STAM: variants seen among roughly 807,000 people sequenced by gnomAD.
STAM encodes signal transducing adaptor molecule, also known as signal transducing adapter molecule 1.
A neutral mutation model predicts 63.4 loss-of-function variants in STAM; 16 were observed. That is an observed-to-expected ratio of 0.25 (90% CI 0.17 to 0.38). The LOEUF is 0.38. Ranked by LOEUF, STAM falls within the 10% of genes least tolerant of loss-of-function variation. STAM has a pLI of 1.00. For synonymous variants in STAM, 238 were observed against 223.9 expected, an observed-to-expected ratio of 1.06 and a Z score of -0.56; for missense variants, 636 against 657.1, an observed-to-expected ratio of 0.97 and a Z score of 0.35.
intron 1 of STAM, among the ~76,000 whole-genome samples, chr10:17,653,540 C>T (rs1833822381): frequency 6.6e-6 from 1 of 152,168 alleles, no homozygotes; most frequent in Non-Finnish European, 1.5e-5. Context: ...TAGCTCCATA[C>T]AGGTGGTTGT....
At chr10:17,648,666 C>T (rs782641729) in intron 1 of STAM, among the ~76,000 whole-genome samples, 1 of 152,234 alleles carries the variant, frequency 6.6e-6, no homozygotes, top group Non-Finnish European at 1.5e-5. Flanking sequence ...TACCTTACTT[C>T]AGTCATTGTT....
chr10:17,689,765 G>A (rs1282741814), intron 5 of STAM, among the ~76,000 whole-genome samples: 2 of 152,152 alleles, frequency 1.3e-5, no homozygotes, highest in African/African-American at 4.8e-5. Context: ...TCAAAACTTG[G>A]TTTGACCAGC....
intron 4 of STAM, 116 bp from the exon 5 acceptor site, chr10:17,687,911 C>G (rs566959007): frequency 1.3e-6 from 1 of 783,270 alleles, no homozygotes; most frequent in South Asian, 3.2e-5. Flanking sequence ...TTGTCTATAG[C>G]TATGCATAAC....
Position 17,714,645 on chromosome 10 carries a change from T to G in STAM, c.1488T>G (p.Thr496=). The G allele has an allele frequency of 6.2e-7, 1 of 1,614,180 alleles. No individual in the cohort carries two copies. Among genetic ancestry groups the G allele is most frequent in the Non-Finnish European group, 8.5e-7 (1 of 1,180,026 alleles). ...CTGCTGCTGCAACTGCCGATGTCACTCTGTACCAGAATGCAGGACCTAATA... is the reference window on the plus strand; with the variant it reads ...CTGCTGCTGCAACTGCCGATGTCACGCTGTACCAGAATGCAGGACCTAATA... ...ATAAAATADV[T]LYQNAGPNMP... is the part of the protein sequence containing the mutation. The change falls in exon 14 of 14, where the codon ACT becomes ACG. Residue 496 remains threonine, a synonymous_variant. Transcript: ENST00000377524.
At chr10:17,704,187 G>T (rs781883583) in intron 9 of STAM, among the ~76,000 whole-genome samples, 12 of 152,050 alleles carry the variant, frequency 7.9e-5, no homozygotes, top group Non-Finnish European at 1.3e-4. Flanking sequence ...TGACCTCCTG[G>T]GCTCAAGTGA....
intron 13 of STAM, among the ~76,000 whole-genome samples, chr10:17,712,172 T>A (rs1471484203): frequency 6.6e-6 from 1 of 152,222 alleles, no homozygotes; most frequent in East Asian, 1.9e-4. Context: ...CTGTATGCTT[T>A]ACACAAAGTA....
chr10:17,707,185 G>A (rs1278609472), intron 12 of STAM, among the ~76,000 whole-genome samples: 1 of 152,136 alleles, frequency 6.6e-6, no homozygotes, highest in African/African-American at 2.4e-5. Flanking sequence ...CGAGGCGGGT[G>A]GATCACGAGG....
At chr10:17,660,582 T>C (rs1554822755) in intron 2 of STAM, 34 bp downstream of exon 2, 2 of 1,542,256 alleles carry the variant, frequency 1.3e-6, no homozygotes, top group Admixed American at 4.0e-5. Context: ...ATTTTTATTC[T>C]TTCTTTTTAA....
At chr10:17,671,717 T>G (rs1554824103) in intron 2 of STAM, among the ~76,000 whole-genome samples, 2 of 152,218 alleles carry the variant, frequency 1.3e-5, no homozygotes, top group African/African-American at 4.8e-5. Flanking sequence ...CAAACATATT[T>G]GTTAACCATG....
chr10:17,700,144 A>AT, intron 8 of STAM, 47 bp from the exon 9 acceptor site: 3 of 1,471,032 alleles, frequency 2.0e-6, no homozygotes, highest in Non-Finnish European at 2.8e-6. Context: ...TTAAAGTAGA[A>AT]TTTTAAATGT....
At chr10:17,650,267 AG>A (rs1833685209) in intron 1 of STAM, among the ~76,000 whole-genome samples, 1 of 152,248 alleles carries the variant, frequency 6.6e-6, no homozygotes, top group Admixed American at 6.5e-5. Context: ...GGATAGGTAT[AG>A]GACCCCTTTG....
At chr10:17,685,314 C>A (rs1835251403) in intron 4 of STAM, among the ~76,000 whole-genome samples, 1 of 152,094 alleles carries the variant, frequency 6.6e-6, no homozygotes, top group African/African-American at 2.4e-5. Context: ...GAGTTTTTAT[C>A]TTTATCAATA....
At chr10:17,663,495 G>A (rs1442533874) in intron 2 of STAM, among the ~76,000 whole-genome samples, 6 of 152,080 alleles carry the variant, frequency 3.9e-5, no homozygotes, top group African/African-American at 1.4e-4. Flanking sequence ...ATTCGATAAT[G>A]AAGGTGGATC....
Position 17,714,892 on chromosome 10 carries a change from G to C in STAM, c.*112G>C. Reference sequence around the variant, plus strand: ...CCTCAGCTTATAGGAATCTCTCCAGGTCAACAGGTTCAAATATTCAAGAAG... The same window carrying C: ...CCTCAGCTTATAGGAATCTCTCCAGCTCAACAGGTTCAAATATTCAAGAAG... On this transcript the variant is annotated 3_prime_UTR_variant, in exon 14 of 14. Coordinates refer to ENST00000377524, the MANE Select transcript of STAM (RefSeq NM_003473.4). 1 of 1,045,836 alleles carries C rather than the reference G, an allele frequency of 9.6e-7. No homozygotes were observed. The highest frequency in any genetic ancestry group is 1.4e-6 in the Non-Finnish European group (1 of 690,456). The allele number at this position is 1,045,836 out of a possible 1,614,324, so 64.8% of individuals were successfully genotyped here. A position where few individuals can be genotyped will look rare whatever the true frequency, so the allele number is the denominator to read the frequency against.
At chr10:17,690,401 A>G (rs1835480368) in intron 5 of STAM, among the ~76,000 whole-genome samples, 1 of 152,208 alleles carries the variant, frequency 6.6e-6, no homozygotes, top group Non-Finnish European at 1.5e-5. Context: ...TTTGATCTAG[A>G]TGTTATAAAG....
rs141228467 is a variant in STAM at position 17,691,086 on chromosome 10, A to G, written c.445-2136A>G. 6.7e-3 allele frequency among the ~76,000 whole-genome samples: 1,019 copies of G among 152,350 alleles called. 12 individuals are homozygous for G. Among genetic ancestry groups the G allele is most frequent in the African/African-American group, 0.024 (977 of 41,572 alleles). ...CCGTAAAACTTATTTCTGACCAGGCATACCTGTAGTTTTCAGAAGTGTCTG... is the reference window on the plus strand; with the variant it reads ...CCGTAAAACTTATTTCTGACCAGGCGTACCTGTAGTTTTCAGAAGTGTCTG... On this transcript the variant is annotated intron_variant, in intron 5 of 13. Transcript: ENST00000377524.
At chr10:17,686,080 T>A (rs1341904262) in intron 4 of STAM, among the ~76,000 whole-genome samples, 3 of 152,224 alleles carry the variant, frequency 2.0e-5, no homozygotes, top group Admixed American at 1.3e-4. Context: ...TTTTCGAACA[T>A]CATGGTTAAA....
chr10:17,700,084 G>T, intron 8 of STAM, 107 bp from the exon 9 acceptor site: 1 of 814,494 alleles, frequency 1.2e-6, no homozygotes, highest in Non-Finnish European at 1.8e-6. Context: ...CTTTTAGCTT[G>T]CTGGGAGTAT....
intron 3 of STAM, 32 bp downstream of exon 3, chr10:17,684,782 A>C: frequency 6.2e-7 from 1 of 1,613,646 alleles, no homozygotes; most frequent in Non-Finnish European, 8.5e-7. Flanking sequence ...TGTACCACGA[A>C]ATTACCTGCC....
Sources: gnomAD v4.1 joint callset for allele counts (sites outside exome capture counted in the v4.1 genomes callset) on GRCh38, gnomAD v4.1.1 for gene constraint, MANE v1.5 for transcripts, NCBI Gene and HGNC (gene_info 2026-07-23, HGNC 2026-07-21) for gene names.